Variants in MAD1L1 observed in about 807,000 individuals in gnomAD.
MAD1L1 encodes mitotic spindle assembly checkpoint protein MAD1.
Under a neutral mutation model 96.9 loss-of-function variants are expected in MAD1L1, and 95 were observed. The ratio of observed to expected loss-of-function variants is 0.98; its 90% CI spans 0.83 to 1.16. The LOEUF is 1.16. Among genes scored for constraint, MAD1L1 ranks in the 50% most tolerant of loss-of-function variants. MAD1L1 has a pLI of 0.00. For synonymous variants in MAD1L1, 473 were observed against 396.6 expected (o/e 1.19, Z -2.29); for missense variants, 1,007 against 954.4 (o/e 1.06, Z -0.73).
At chr7:2,227,188 C>T (rs1486495104) in intron 3 of MAD1L1, among the ~76,000 whole-genome samples, 3 of 149,730 alleles carry the variant, frequency 2.0e-5, no homozygotes, top group Non-Finnish European at 4.4e-5. Context: ...CTCAGCTACT[C>T]GGGAGGCTGA....
chr7:2,172,591 G>A (rs961532558), intron 10 of MAD1L1, among the ~76,000 whole-genome samples: 18 of 152,228 alleles, frequency 1.2e-4, no homozygotes, highest in African/African-American at 3.6e-4. Context: ...CAGCCCAGGC[G>A]CAGCCACTCG....
intron 18 of MAD1L1, among the ~76,000 whole-genome samples, chr7:1,835,360 G>A (rs1782892776): frequency 6.6e-6 from 1 of 152,186 alleles, no homozygotes; most frequent in Non-Finnish European, 1.5e-5. Context: ...TCCAGTGTGG[G>A]CAAGTGGAAG....
At chr7:2,004,962 T>A (rs1584052071) in intron 13 of MAD1L1, among the ~76,000 whole-genome samples, 1 of 152,044 alleles carries the variant, frequency 6.6e-6, no homozygotes, top group Admixed American at 6.5e-5. Flanking sequence ...TGGCGAAAGG[T>A]GACTCGGAGC....
At chr7:2,095,533 G>A (rs1029877986) in intron 11 of MAD1L1, among the ~76,000 whole-genome samples, 4 of 152,192 alleles carry the variant, frequency 2.6e-5, no homozygotes, top group Non-Finnish European at 5.9e-5. Flanking sequence ...AGCCGCGGTC[G>A]CTGTTAAAGA....
At chr7:2,003,637 C>A (rs1168778519) in intron 13 of MAD1L1, among the ~76,000 whole-genome samples, 3 of 152,246 alleles carry the variant, frequency 2.0e-5, no homozygotes, top group Middle Eastern at 3.4e-3. Context: ...CTCAGTGGGG[C>A]CACCGGAGGG....
intron 12 of MAD1L1, among the ~76,000 whole-genome samples, chr7:2,014,945 C>G (rs774442247): frequency 1.3e-5 from 2 of 152,230 alleles, no homozygotes; most frequent in African/African-American, 2.4e-5. Context: ...GCTATGGGGT[C>G]GGCTGGGAGC....
chr7:2,085,192 C>A (rs565070444), intron 11 of MAD1L1, among the ~76,000 whole-genome samples: 79 of 152,354 alleles, frequency 5.2e-4, no homozygotes, highest in African/African-American at 1.8e-3. Context: ...CCTCAAGCAC[C>A]CACTGTGTAT....
chr7:2,030,188 C>T (rs966897183), intron 12 of MAD1L1, among the ~76,000 whole-genome samples: 4 of 152,196 alleles, frequency 2.6e-5, no homozygotes, highest in East Asian at 1.9e-4. Flanking sequence ...GGTGCATGTC[C>T]GCTACGCCCC....
At position 1,908,442 on chromosome 7, in the gene MAD1L1, C is replaced by T. The variant is rs141350537; in HGVS notation, c.1808-10052G>A. On this transcript the variant is annotated intron_variant, in intron 17 of 18. Transcript: ENST00000265854. ...TGTCACCCAGGCTGGAGTGCAGTGGCGCGATCGTGGCTCACTGTAGCCTCG... is the reference window on the plus strand; with the variant it reads ...TGTCACCCAGGCTGGAGTGCAGTGGTGCGATCGTGGCTCACTGTAGCCTCG... Among the ~76,000 whole-genome samples, 143 of 152,260 alleles carry T rather than the reference C, an allele frequency of 9.4e-4. No homozygotes were observed. In the East Asian group the frequency reaches 0.019, roughly 20 times the overall value.
At chr7:2,139,400 TG>T (rs1788915177) in intron 11 of MAD1L1, among the ~76,000 whole-genome samples, 1 of 151,792 alleles carries the variant, frequency 6.6e-6, no homozygotes, top group Non-Finnish European at 1.5e-5. Flanking sequence ...CACACTGAGA[TG>T]CCCCCCACCC....
intron 11 of MAD1L1, among the ~76,000 whole-genome samples, chr7:2,092,443 A>G (rs150943222): frequency 0.014 from 2,057 of 152,094 alleles, 36 homozygotes; most frequent in African/African-American, 0.047. Context: ...TCCCTCACGC[A>G]TCTGCCCTCT....
chr7:1,905,518 CGAG>C (rs1196981989), intron 17 of MAD1L1, among the ~76,000 whole-genome samples: 1 of 150,354 alleles, frequency 6.7e-6, no homozygotes, highest in Admixed American at 6.6e-5. Flanking sequence ...TTCCAGGCAG[CGAG>C]GACACAGTGG....
At chr7:2,062,756 C>G (rs112276556) in intron 12 of MAD1L1, among the ~76,000 whole-genome samples, 3 of 152,072 alleles carry the variant, frequency 2.0e-5, no homozygotes, top group Non-Finnish European at 2.9e-5. Flanking sequence ...AACAAGCCTC[C>G]CGAGGTGGGG....
At chr7:2,062,444 G>A (rs553040949) in intron 12 of MAD1L1, among the ~76,000 whole-genome samples, 51 of 151,182 alleles carry the variant, frequency 3.4e-4, no homozygotes, top group African/African-American at 9.2e-4. Context: ...GTGTGGTGAC[G>A]CACACCTATA....
intron 17 of MAD1L1, among the ~76,000 whole-genome samples, chr7:1,916,404 C>G (rs1009902360): frequency 6.6e-6 from 1 of 152,238 alleles, no homozygotes; most frequent in South Asian, 2.1e-4. Flanking sequence ...TGTGGTCCGT[C>G]TGTGCTAGGC....
chr7:2,134,367 T>C (rs1278703036), intron 11 of MAD1L1, among the ~76,000 whole-genome samples: 2 of 152,258 alleles, frequency 1.3e-5, no homozygotes, highest in Non-Finnish European at 2.9e-5. Flanking sequence ...CCACTCATTA[T>C]TCTACAAGTT....
chr7:2,130,865 C>T (rs773029810), intron 11 of MAD1L1, among the ~76,000 whole-genome samples: 6 of 152,184 alleles, frequency 3.9e-5, no homozygotes, highest in African/African-American at 1.4e-4. Context: ...TCAACCTTCC[C>T]GGAAAGATAA....
At chr7:1,912,819 C>CG (rs1356395504) in intron 17 of MAD1L1, among the ~76,000 whole-genome samples, 1 of 152,228 alleles carries the variant, frequency 6.6e-6, no homozygotes, top group East Asian at 1.9e-4. Flanking sequence ...CATCTGTTTC[C>CG]GGAAGCTTCC....
intron 13 of MAD1L1, among the ~76,000 whole-genome samples, chr7:2,009,639 G>A (rs970604065): frequency 4.6e-5 from 7 of 152,156 alleles, no homozygotes; most frequent in African/African-American, 1.7e-4. Context: ...TGAGCCCAGC[G>A]CTGGCCACAG....
Sources: gnomAD v4.1 joint callset for allele counts (sites outside exome capture counted in the v4.1 genomes callset) on GRCh38, gnomAD v4.1.1 for gene constraint, MANE v1.5 for transcripts, NCBI Gene and HGNC (gene_info 2026-07-23, HGNC 2026-07-21) for gene names.